Variants in PCLO observed in about 807,000 individuals in gnomAD.
The protein encoded by PCLO is protein piccolo.
A neutral mutation model predicts 427.5 loss-of-function variants in PCLO; 82 were observed. The ratio of observed to expected loss-of-function variants is 0.19; its 90% CI spans 0.16 to 0.23. PCLO has a LOEUF of 0.23. PCLO is among the 10% of genes least tolerant of loss of function. PCLO has a pLI of 1.00. For missense variants in PCLO, 6,239 were observed against 6,115.9 expected (o/e 1.02, Z -0.67); for synonymous variants, 2,357 against 2,155.4 (o/e 1.09, Z -2.59).
At chr7:82,946,342 A>C (rs1403972848) in intron 6 of PCLO, among the ~76,000 whole-genome samples, 5 of 152,182 alleles carry the variant, frequency 3.3e-5, no homozygotes, top group Admixed American at 6.5e-5. Context: ...ATTTAGGACT[A>C]TAGTGGCAAG....
At chr7:82,918,779 G>T (rs1395206164) in intron 6 of PCLO, among the ~76,000 whole-genome samples, 1 of 151,886 alleles carries the variant, frequency 6.6e-6, no homozygotes, top group Non-Finnish European at 1.5e-5. Flanking sequence ...TTGACAAAAG[G>T]GTGTTTAATT....
intron 6 of PCLO, among the ~76,000 whole-genome samples, chr7:82,924,340 G>C (rs190702632): frequency 3.3e-5 from 5 of 152,114 alleles, no homozygotes; most frequent in Non-Finnish European, 2.9e-5. Flanking sequence ...CCCCTTTATT[G>C]TATAGAAAAA....
At chr7:82,765,938 A>G (rs1327584264) in intron 22 of PCLO, among the ~76,000 whole-genome samples, 1 of 152,238 alleles carries the variant, frequency 6.6e-6, no homozygotes, top group South Asian at 2.1e-4. Context: ...ACCAGTACCA[A>G]CGAAGCAAGG....
chr7:82,934,443 C>A (rs1794905893), intron 6 of PCLO, among the ~76,000 whole-genome samples: 1 of 151,838 alleles, frequency 6.6e-6, no homozygotes, highest in Non-Finnish European at 1.5e-5. Context: ...ACAACTGTAA[C>A]ATAAATTTGA....
chr7:82,971,244 A>G (rs1795896389), intron 3 of PCLO, among the ~76,000 whole-genome samples: 2 of 151,768 alleles, frequency 1.3e-5, no homozygotes, highest in Admixed American at 6.6e-5. Context: ...TACTTGCTGA[A>G]AAGATTTAGC....
chr7:82,945,792 A>G (rs555878065), intron 6 of PCLO, among the ~76,000 whole-genome samples: 1 of 152,216 alleles, frequency 6.6e-6, no homozygotes, highest in Non-Finnish European at 1.5e-5. Flanking sequence ...AACAAGCAAG[A>G]ATTGAATTTT....
At position 82,949,929 on chromosome 7, in the gene PCLO, A is replaced by G. The variant is rs1437764795; in HGVS notation, c.10659T>C (p.Ile3553=). Residue 3553 remains isoleucine, a synonymous_variant, in exon 6 of 25, where the codon ATT becomes ATC. Coordinates refer to ENST00000333891, the MANE Select transcript of PCLO (RefSeq NM_033026.6). ...VDAKVEIIKH[I]SAPEKTYKGG... ...CTTTGTAAGTCTTTTCAGGTGCTGA[A>G]ATGTGTTTAATTATTTCTACCTTGG... 1 of 1,613,588 alleles carries G rather than the reference A, an allele frequency of 6.2e-7. No homozygotes were observed. The highest frequency in any genetic ancestry group is 1.1e-5 in the South Asian group (1 of 91,052).
At chr7:83,126,604 T>C (rs1479449669) in intron 3 of PCLO, among the ~76,000 whole-genome samples, 1 of 151,984 alleles carries the variant, frequency 6.6e-6, no homozygotes, top group African/African-American at 2.4e-5. Context: ...TAAGAATGAA[T>C]CTCATAAAGA....
rs1157607190 is a variant in PCLO, at chr7:82,817,530, C to T, written c.14791+4965G>A. On this transcript the variant is annotated intron_variant, in intron 20 of 24. Transcript: ENST00000333891. ...CTCCACTCCCAGTCCCACCCACTCC[C>T]AAACCCATCCACCCACTACCACTTG... 7.9e-5 allele frequency among the ~76,000 whole-genome samples: 12 copies of T among 152,242 alleles called. No individual in the cohort carries two copies. The East Asian group carries it at 2.3e-3, about 30-fold the overall frequency.
chr7:82,874,282 A>AATAG (rs1201163708), intron 10 of PCLO, among the ~76,000 whole-genome samples: 3 of 152,102 alleles, frequency 2.0e-5, no homozygotes, highest in Non-Finnish European at 4.4e-5. Context: ...CAAGGTACAC[A>AATAG]ATAGATGTGT....
intron 3 of PCLO, among the ~76,000 whole-genome samples, chr7:83,057,753 A>T (rs916798553): frequency 2.0e-5 from 3 of 152,066 alleles, no homozygotes; most frequent in Non-Finnish European, 4.4e-5. Flanking sequence ...TTAGACATGG[A>T]ACTTATTAAA....
At chr7:83,092,864 T>C (rs112996165) in intron 3 of PCLO, among the ~76,000 whole-genome samples, 23 of 149,026 alleles carry the variant, frequency 1.5e-4, no homozygotes, top group African/African-American at 5.4e-4. Flanking sequence ...GGAGAATCAC[T>C]TGAGTGTGGG....
intron 3 of PCLO, among the ~76,000 whole-genome samples, chr7:82,984,731 A>G (rs1796221949): frequency 6.6e-6 from 1 of 152,010 alleles, no homozygotes; most frequent in African/African-American, 2.4e-5. Flanking sequence ...GGTGTAATAT[A>G]ACACAGTCAT....
intron 22 of PCLO, among the ~76,000 whole-genome samples, chr7:82,779,931 G>A (rs1247468630): frequency 1.3e-5 from 2 of 151,940 alleles, no homozygotes; most frequent in Non-Finnish European, 2.9e-5. Context: ...ACATCACAGG[G>A]TTCTTGCAAA....
intron 1 of PCLO, among the ~76,000 whole-genome samples, chr7:83,156,837 T>C (rs921298092): frequency 6.6e-6 from 1 of 152,094 alleles, no homozygotes; most frequent in East Asian, 1.9e-4. Context: ...TCTTTTGATA[T>C]AAGAAAGTCT....
At chr7:82,879,530 G>C in intron 9 of PCLO, 68 bp from the exon 10 acceptor site, 1 of 1,256,974 alleles carries the variant, frequency 8.0e-7, no homozygotes, top group South Asian at 1.5e-5. Context: ...ACAAGTTACA[G>C]AGAGCACAAA....
intron 4 of PCLO, among the ~76,000 whole-genome samples, chr7:82,964,764 A>G (rs535539146): frequency 6.6e-6 from 1 of 152,280 alleles, no homozygotes; most frequent in Admixed American, 6.5e-5. Context: ...ATATATAGGC[A>G]TCTTTTTGAC....
At chr7:82,767,872 C>T (rs369573209) in intron 22 of PCLO, among the ~76,000 whole-genome samples, 1 of 151,688 alleles carries the variant, frequency 6.6e-6, no homozygotes, top group South Asian at 2.1e-4. Flanking sequence ...GAAATAAGTT[C>T]TCTGAAAGAT....
At chr7:83,060,240 T>A (rs960577633) in intron 3 of PCLO, among the ~76,000 whole-genome samples, 1 of 152,022 alleles carries the variant, frequency 6.6e-6, no homozygotes, top group African/African-American at 2.4e-5. Flanking sequence ...CCCAACACAC[T>A]CTCTATTAGG....
Sources: allele counts gnomAD v4.1 joint callset (sites outside exome capture counted in the v4.1 genomes callset), GRCh38; gene constraint gnomAD v4.1.1; transcripts MANE v1.5; gene names NCBI Gene and HGNC (gene_info 2026-07-23, HGNC 2026-07-21).